Variants in PDE3B observed in about 807,000 individuals in gnomAD.
The protein encoded by PDE3B is cGMP-inhibited 3',5'-cyclic phosphodiesterase 3B.
Under a neutral mutation model 116.8 loss-of-function variants are expected in PDE3B, and 66 were observed. The observed-to-expected ratio is 0.56, with a 90% confidence interval of 0.46 to 0.69. The LOEUF (loss-of-function observed/expected upper bound fraction) is 0.69. Among genes scored for constraint, PDE3B ranks in the 30% least tolerant of loss-of-function variants. PDE3B has a pLI of 0.00. For synonymous variants in PDE3B, 595 were observed against 533.6 expected, an observed-to-expected ratio of 1.12 and a Z score of -1.59; for missense variants, 1,384 against 1,368.1, an observed-to-expected ratio of 1.01 and a Z score of -0.18.
intron 7 of PDE3B, among the ~76,000 whole-genome samples, chr11:14,827,127 A>C (rs1026400495): frequency 2.6e-5 from 4 of 152,224 alleles, no homozygotes; most frequent in African/African-American, 9.6e-5. Context: ...ACATCCCTTC[A>C]TGTTAAAAAC....
At chr11:14,758,757 C>G (rs1857268567) in intron 1 of PDE3B, among the ~76,000 whole-genome samples, 1 of 151,540 alleles carries the variant, frequency 6.6e-6, no homozygotes, top group African/African-American at 2.4e-5. Flanking sequence ...CAAACAGGGA[C>G]AATCCTTCTC....
At chr11:14,879,296 G>A in the PDE3B span, 2 of 1,613,126 alleles carry the variant, frequency 1.2e-6, no homozygotes, top group Non-Finnish European at 8.5e-7. Context: ...ATCTTCAGAG[G>A]TTGCATGGAA....
chr11:14,713,524 C>T (rs1003128639), intron 1 of PDE3B, among the ~76,000 whole-genome samples: 2 of 152,128 alleles, frequency 1.3e-5, no homozygotes, highest in Admixed American at 1.3e-4. Flanking sequence ...TCCTGGGTCC[C>T]AAGCTTGCTG....
At chr11:14,707,282 G>C (rs751230624) in intron 1 of PDE3B, among the ~76,000 whole-genome samples, 6 of 151,886 alleles carry the variant, frequency 4.0e-5, no homozygotes, top group Non-Finnish European at 8.8e-5. Flanking sequence ...GAGTTCAACT[G>C]CATCTTAGAC....
intron 1 of PDE3B, among the ~76,000 whole-genome samples, chr11:14,647,820 C>A (rs905826039): frequency 6.6e-6 from 1 of 151,346 alleles, no homozygotes; most frequent in Non-Finnish European, 1.5e-5. Flanking sequence ...TGTTATATTA[C>A]TGTGTTGAAA....
intron 1 of PDE3B, among the ~76,000 whole-genome samples, chr11:14,652,130 A>T (rs547247574): frequency 1.2e-4 from 18 of 152,158 alleles, no homozygotes; most frequent in African/African-American, 4.1e-4. Context: ...TTTTGAGTTA[A>T]TTTTTGTATA....
At chr11:14,712,747 T>G (rs999528564) in intron 1 of PDE3B, among the ~76,000 whole-genome samples, 5 of 152,312 alleles carry the variant, frequency 3.3e-5, no homozygotes, top group Admixed American at 6.5e-5. Context: ...AGTGTTGGGA[T>G]TACAGGCATG....
chr11:14,793,130 G>A (rs958743227), intron 4 of PDE3B, among the ~76,000 whole-genome samples: 1 of 152,184 alleles, frequency 6.6e-6, no homozygotes, highest in Non-Finnish European at 1.5e-5. Flanking sequence ...GATCTGGGAT[G>A]AGATTTCTGT....
At chr11:14,875,439 C>T (rs143594870), downstream of PDE3B, among the ~76,000 whole-genome samples, 143 of 152,238 alleles carry the variant, frequency 9.4e-4, 2 homozygotes, top group East Asian at 0.018. Flanking sequence ...AACAAGTGTG[C>T]TCACTTGTTG....
intron 1 of PDE3B, among the ~76,000 whole-genome samples, chr11:14,736,952 T>C (rs1856615904): frequency 6.6e-6 from 1 of 152,162 alleles, no homozygotes; most frequent in East Asian, 1.9e-4. Context: ...TGGTGCATAA[T>C]TGTGACAGAT....
chr11:14,855,505 A>G (rs1847832463), intron 12 of PDE3B, among the ~76,000 whole-genome samples: 1 of 152,230 alleles, frequency 6.6e-6, no homozygotes, highest in South Asian at 2.1e-4. Flanking sequence ...TATTTGTTCA[A>G]GTATTTATTG....
chr11:14,740,011 T>C (rs758938243), intron 1 of PDE3B, among the ~76,000 whole-genome samples: 1 of 152,176 alleles, frequency 6.6e-6, no homozygotes, highest in African/African-American at 2.4e-5. Flanking sequence ...TTGCCAGTAT[T>C]TTATTGAGAA....
chr11:14,844,018 G>T lies in PDE3B; in HGVS notation c.2512G>T (p.Ala838Ser), dbSNP rs748038751. 1 of 1,612,900 alleles carries T rather than the reference G, an allele frequency of 6.2e-7. No individual in the cohort carries two copies. The highest frequency in any genetic ancestry group is 8.5e-7 in the Non-Finnish European group (1 of 1,178,952). ...RTNAFLVATNAPQAVLYNDRS... is the reference protein window; with the variant it reads ...RTNAFLVATNSPQAVLYNDRS... ...AAATGCATTTCTAGTGGCTACAAAT[G>T]CCCCTCAGGTAGGAAATATTTTTAA... The change falls in exon 12 of 16, where the codon GCC becomes TCC. Residue 838 changes from alanine to serine, a missense_variant. Coordinates refer to ENST00000282096, the MANE Select transcript of PDE3B (RefSeq NM_000922.4).
At chr11:14,767,223 A>G (rs1445688178) in intron 1 of PDE3B, among the ~76,000 whole-genome samples, 2 of 151,482 alleles carry the variant, frequency 1.3e-5, no homozygotes, top group Non-Finnish European at 3.0e-5. Context: ...TTGTTTGAAA[A>G]CTTTCCATAG....
At chr11:14,883,423 A>T in the PDE3B span, among the ~76,000 whole-genome samples, 1 of 152,254 alleles carries the variant, frequency 6.6e-6, no homozygotes, top group Non-Finnish European at 1.5e-5. Flanking sequence ...GAGAAAAATA[A>T]GCAATGGGGA....
intron 4 of PDE3B, among the ~76,000 whole-genome samples, chr11:14,792,506 C>T (rs1343489834): frequency 2.6e-5 from 4 of 151,744 alleles, no homozygotes; most frequent in Non-Finnish European, 4.4e-5. Flanking sequence ...GTATTATAAC[C>T]CTGGGAGCTA....
At chr11:14,860,902 A>C (rs556966125) in intron 13 of PDE3B, among the ~76,000 whole-genome samples, 156 of 130,896 alleles carry the variant, frequency 1.2e-3, no homozygotes, top group African/African-American at 4.0e-3. Flanking sequence ...ATACTTAATA[A>C]ATACATATAT....
At chr11:14,872,390 CT>C (rs1225119687), downstream of PDE3B, among the ~76,000 whole-genome samples, 4 of 152,050 alleles carry the variant, frequency 2.6e-5, no homozygotes, top group Non-Finnish European at 5.9e-5. Flanking sequence ...GAAATGATTG[CT>C]TGTAGAGAGA....
In PDE3B at chr11:14,644,390, C is replaced by T. The variant is rs1230273533; in HGVS notation, c.315C>T (p.Ala105=). 2.5e-6 allele frequency: 4 copies of T among 1,603,724 alleles called. No homozygotes were observed. Among genetic ancestry groups the T allele is most frequent in the South Asian group, 2.2e-5 (2 of 89,860 alleles). ...AACCCGAGAGCTGGGCTGCCGGGGC[C>T]GCCTGGCTGCGGACGCTGCTGAGCG... ...GAEPESWAAG[A]AWLRTLLSVC... Residue 105 remains alanine, a synonymous_variant, in exon 1 of 16, where the codon GCC becomes GCT. Coordinates refer to ENST00000282096, the MANE Select transcript of PDE3B (RefSeq NM_000922.4).
Sources: gnomAD v4.1 joint callset for allele counts (sites outside exome capture counted in the v4.1 genomes callset) on GRCh38, gnomAD v4.1.1 for gene constraint, MANE v1.5 for transcripts, NCBI Gene and HGNC (gene_info 2026-07-23, HGNC 2026-07-21) for gene names.